Variants in CRYBG1 observed in about 807,000 individuals in gnomAD.
The protein encoded by CRYBG1 is crystallin beta-gamma domain containing 1, also known as beta/gamma crystallin domain-containing protein 1.
Under a neutral mutation model 189.2 loss-of-function variants are expected in CRYBG1, and 139 were observed. The ratio of observed to expected loss-of-function variants is 0.73; its 90% CI spans 0.64 to 0.85. The LOEUF (loss-of-function observed/expected upper bound fraction) is 0.85. Ranked by LOEUF, CRYBG1 falls within the 40% of genes least tolerant of loss-of-function variation. The pLI is 0.00. For missense variants in CRYBG1, 2,611 were observed against 2,675.8 expected (o/e 0.98, Z 0.53); for synonymous variants, 1,023 against 1,017.1 (o/e 1.01, Z -0.11).
intron 14 of CRYBG1, 35 bp downstream of exon 14, chr6:106,552,013 C>T (rs1374410045): frequency 1.3e-6 from 2 of 1,556,624 alleles, no homozygotes; most frequent in Admixed American, 1.9e-5. Flanking sequence ...GAATATTTAA[C>T]TGAATTCTGG....
chr6:106,435,410 CTGCCTTGGCCTCCCAAAG>C (rs1428367054), intron 1 of CRYBG1, among the ~76,000 whole-genome samples: 1 of 152,106 alleles, frequency 6.6e-6, no homozygotes, highest in Non-Finnish European at 1.5e-5. Context: ...TATGATGCTC[CTGCCTTGGCCTCCCAAAG>C]TTCTAGAATT....
rs1247342819 is a variant in CRYBG1, at chr6:106,544,455, C to CAGA, written c.5040-113_5040-111dup. The stretch of plus-strand genomic sequence containing the variant: ...TTAAAGAATTCCAATGATAATAAAG[C>CAGA]AGAAGGTCATGTCTAGCTTTATAAC... On this transcript the variant is annotated intron_variant, in intron 11 of 21. Transcript: ENST00000633556. The CAGA allele has an allele frequency of 6.6e-5, 80 of 1,207,262 alleles. 2 individuals are homozygous for CAGA. The South Asian group carries it at 1.1e-3, about 17-fold the overall frequency. The allele number at this position is 1,207,262 out of a possible 1,614,324, so 74.8% of individuals were successfully genotyped here.
At chr6:106,514,481 A>T (rs567527342) in intron 3 of CRYBG1, among the ~76,000 whole-genome samples, 1 of 152,292 alleles carries the variant, frequency 6.6e-6, no homozygotes, top group Admixed American at 6.5e-5. Context: ...CTACCTCACC[A>T]ACTGCCAACC....
intron 21 of CRYBG1, among the ~76,000 whole-genome samples, chr6:106,564,676 AC>A (rs1455002084): frequency 6.6e-6 from 1 of 152,182 alleles, no homozygotes; most frequent in Non-Finnish European, 1.5e-5. Context: ...TGAGGCCCAC[AC>A]CCGGAGAACC....
chr6:106,458,840 C>T (rs879328920), intron 2 of CRYBG1, among the ~76,000 whole-genome samples: 1 of 152,118 alleles, frequency 6.6e-6, no homozygotes, highest in Non-Finnish European at 1.5e-5. Context: ...AGCACAGTGG[C>T]ATAGGAAGCA....
At chr6:106,561,617 T>C in intron 20 of CRYBG1, 117 bp downstream of exon 20, 1 of 1,257,198 alleles carries the variant, frequency 8.0e-7, no homozygotes, top group Non-Finnish European at 1.1e-6. Context: ...CTGGAGTACT[T>C]TCAGAAATGA....
At chr6:106,564,904 C>T (rs551260879) in intron 21 of CRYBG1, among the ~76,000 whole-genome samples, 6 of 152,190 alleles carry the variant, frequency 3.9e-5, no homozygotes, top group Admixed American at 1.3e-4. Context: ...ACTACATACT[C>T]CATTAATTTT....
At position 106,361,018 on chromosome 6, in the gene CRYBG1, C is replaced by A; in HGVS notation, c.110C>A (p.Pro37Gln). 6.5e-7 allele frequency: 1 copy of A among 1,535,294 alleles called. No individual in the cohort carries two copies. Among genetic ancestry groups the A allele is most frequent in the Non-Finnish European group, 8.7e-7 (1 of 1,146,622 alleles). Residue 37 changes from proline (P) to glutamine (Q), a missense_variant, in exon 1 of 22, where the codon CCG becomes CAG. Pro to Gln is a moderately conservative substitution (Grantham distance 76). Around this residue, in one of 3 missense-constraint regions of CRYBG1, gnomAD observed 985 missense variants for 924.4 expected, o/e 1.07. Transcript: ENST00000633556. Reference protein sequence around the residue: ...HLWRSKKKQQPAPPDCGVFVP... With the variant: ...HLWRSKKKQQQAPPDCGVFVP... ...TGGCGCTCCAAAAAGAAGCAGCAGC[C>A]GGCGCCGCCTGACTGTGGGGTGTTC...
intron 2 of CRYBG1, among the ~76,000 whole-genome samples, chr6:106,468,584 G>A (rs1430697366): frequency 6.6e-6 from 1 of 152,184 alleles, no homozygotes; most frequent in Non-Finnish European, 1.5e-5. Context: ...CAGCTACTGG[G>A]GAGGCTGAGG....
chr6:106,456,889 C>T lies in CRYBG1; in HGVS notation c.312+5057C>T, dbSNP rs78117558. 3.0e-3 allele frequency among the ~76,000 whole-genome samples: 456 copies of T among 152,226 alleles called. 3 individuals are homozygous for T. The highest frequency in any genetic ancestry group is 0.01 in the African/African-American group (432 of 41,536). On this transcript the variant is annotated intron_variant, in intron 2 of 21. Coordinates refer to ENST00000633556, the MANE Select transcript of CRYBG1 (RefSeq NM_001371242.2). ...ATCCCCTGGGCCATATCTTGTGACTCCTCCACTGTTGGGCTGGCCTAGGAC... is the reference window on the plus strand; with the variant it reads ...ATCCCCTGGGCCATATCTTGTGACTTCTCCACTGTTGGGCTGGCCTAGGAC...
chr6:106,470,377 CA>C (rs1188065792), intron 2 of CRYBG1, among the ~76,000 whole-genome samples: 8 of 151,882 alleles, frequency 5.3e-5, no homozygotes, highest in African/African-American at 1.5e-4. Flanking sequence ...ATTGGACTGA[CA>C]AAAAATTGGC....
At chr6:106,404,830 G>T (rs1311498024) in intron 1 of CRYBG1, among the ~76,000 whole-genome samples, 1 of 152,108 alleles carries the variant, frequency 6.6e-6, no homozygotes, top group Non-Finnish European at 1.5e-5. Flanking sequence ...ACTGTGCTGT[G>T]AGGAACGGTG....
chr6:106,447,266 G>A (rs954581594), intron 1 of CRYBG1, among the ~76,000 whole-genome samples: 1 of 152,090 alleles, frequency 6.6e-6, no homozygotes, highest in African/African-American at 2.4e-5. Flanking sequence ...AGGGAGCCAA[G>A]CTTAGCCTCT....
In CRYBG1 at chr6:106,527,369, G is replaced by A; in HGVS notation, c.4477G>A (p.Glu1493Lys). Residue 1493 changes from glutamate (E) to lysine (K), a missense_variant, in exon 7 of 22, where the codon GAA (glutamate) becomes AAA (lysine). Physicochemically the swap from Glu to Lys is moderately conservative, Grantham distance 56 (BLOSUM62 1). Transcript: ENST00000633556. ...CATCCCCTTAGAAGAAGGAGAATTG[G>A]AACTCTCTGGTCTCTGGGGTATAGA... The part of the protein sequence containing the change: ...HSIPLEEGEL[E>K]LSGLWGIEDI... 6.2e-7 allele frequency: 1 copy of A among 1,613,622 alleles called. No individual in the cohort carries two copies. Among genetic ancestry groups the A allele is most frequent in the Non-Finnish European group, 8.5e-7 (1 of 1,179,696 alleles).
chr6:106,387,853 C>G (rs1424136186), intron 1 of CRYBG1, among the ~76,000 whole-genome samples: 1 of 152,186 alleles, frequency 6.6e-6, no homozygotes, highest in African/African-American at 2.4e-5. Flanking sequence ...TAGCTTTTTC[C>G]TATGTATTAT....
At chr6:106,440,189 A>AT (rs1562307783) in intron 1 of CRYBG1, among the ~76,000 whole-genome samples, 1 of 150,366 alleles carries the variant, frequency 6.7e-6, no homozygotes, top group African/African-American at 2.4e-5. Flanking sequence ...CACATATAGA[A>AT]TTTTCCTTCC....
At chr6:106,420,747 A>C (rs990983034) in intron 1 of CRYBG1, 1 of 153,108 alleles carries the variant, frequency 6.5e-6, no homozygotes, top group Non-Finnish European at 1.5e-5. Context: ...AATTGATCAC[A>C]ACCAGTTACA....
chr6:106,375,969 C>G (rs1261236590), intron 1 of CRYBG1, among the ~76,000 whole-genome samples: 1 of 152,148 alleles, frequency 6.6e-6, no homozygotes, highest in Non-Finnish European at 1.5e-5. Flanking sequence ...TAACAATATA[C>G]TATAATAAAA....
intron 1 of CRYBG1, among the ~76,000 whole-genome samples, chr6:106,419,076 G>A (rs1771079027): frequency 6.6e-6 from 1 of 152,168 alleles, no homozygotes; most frequent in African/African-American, 2.4e-5. Context: ...TGTACACATG[G>A]TTGACAAAGA....
Sources: allele counts gnomAD v4.1 joint callset (sites outside exome capture counted in the v4.1 genomes callset), GRCh38; gene constraint gnomAD v4.1.1; regional missense constraint gnomAD v4.1.1; transcripts MANE v1.5; gene names NCBI Gene and HGNC (gene_info 2026-07-23, HGNC 2026-07-21).